The following PREX2 variants were observed in gnomAD, a reference collection of about 807,000 sequenced individuals.
PREX2 encodes the protein phosphatidylinositol-3,4,5-trisphosphate dependent Rac exchange factor 2, also known as phosphatidylinositol 3,4,5-trisphosphate-dependent Rac exchanger 2 protein.
A neutral mutation model predicts 203.2 loss-of-function variants in PREX2; 107 were observed. The observed-to-expected ratio is 0.53, with a 90% CI of 0.45 to 0.62. PREX2 has a LOEUF of 0.62. Among genes scored for constraint, PREX2 ranks in the 20% least tolerant of loss-of-function variants. PREX2 has a pLI of 0.00. For synonymous variants in PREX2, 672 were observed against 663.6 expected, an observed-to-expected ratio of 1.01 and a Z score of -0.19; for missense variants, 1,777 against 1,955.9, an observed-to-expected ratio of 0.91 and a Z score of 1.72.
At chr8:68,165,555 A>G (rs1563572049) in intron 35 of PREX2, among the ~76,000 whole-genome samples, 1 of 152,064 alleles carries the variant, frequency 6.6e-6, no homozygotes, top group Non-Finnish European at 1.5e-5. Flanking sequence ...TGGAGTCACT[A>G]TGTCACAAGA....
intron 1 of PREX2, among the ~76,000 whole-genome samples, chr8:67,977,216 C>A (rs1402124031): frequency 6.6e-6 from 1 of 152,160 alleles, no homozygotes; most frequent in African/African-American, 2.4e-5. Flanking sequence ...CTTTCATTTA[C>A]AGTAGGATAT....
At chr8:68,163,821 A>G (rs1252965370) in intron 35 of PREX2, among the ~76,000 whole-genome samples, 1 of 152,166 alleles carries the variant, frequency 6.6e-6, no homozygotes, top group Non-Finnish European at 1.5e-5. Flanking sequence ...CTAAACTCCC[A>G]AGGAAATGAG....
intron 9 of PREX2, among the ~76,000 whole-genome samples, 167 bp from the exon 10 acceptor site, chr8:68,055,663 C>T (rs1021148102): frequency 6.6e-6 from 1 of 152,118 alleles, no homozygotes; most frequent in African/African-American, 2.4e-5. Flanking sequence ...GCAGGTCTCC[C>T]TAGCCCCTGA....
At position 68,232,802 on chromosome 8, in the gene PREX2, G is replaced by A. The variant is rs560933314; in HGVS notation, c.*1424G>A. ...TCAGCTAATTTTTGTATTTTTAGTAGAGACGTGTTTTCACCATGTTGGCCA... is the reference window on the plus strand; with the variant it reads ...TCAGCTAATTTTTGTATTTTTAGTAAAGACGTGTTTTCACCATGTTGGCCA... On this transcript the variant is annotated 3_prime_UTR_variant, in exon 40 of 40. Transcript: ENST00000288368. 6.6e-6 allele frequency: 1 copy of A among 152,210 alleles called. No individual in the cohort carries two copies. The highest frequency in any genetic ancestry group is 2.1e-4 in the South Asian group (1 of 4,832). The allele number at this position is 152,210 out of a possible 1,614,324, so 9.4% of individuals were successfully genotyped here. A position where few individuals can be genotyped will look rare whatever the true frequency, so the allele number is the denominator to read the frequency against.
At chr8:67,982,949 G>A (rs1806313482) in intron 1 of PREX2, among the ~76,000 whole-genome samples, 1 of 152,172 alleles carries the variant, frequency 6.6e-6, no homozygotes, top group South Asian at 2.1e-4. Flanking sequence ...TTTGTGGTAT[G>A]TCTTGGAATA....
chr8:68,097,174 C>G lies in PREX2; in HGVS notation c.2526C>G (p.Pro842=). ...KCNVVEKMIE[P]KGFFSLTAKI... is the part of the protein sequence containing the mutation. ...ATGTGGTGGAAAAGATGATTGAGCCCAAAGGTTTCTTCAGCTTAACTGCCA... is the reference window on the plus strand; with the variant it reads ...ATGTGGTGGAAAAGATGATTGAGCCGAAAGGTTTCTTCAGCTTAACTGCCA... Residue 842 remains proline (P), a synonymous_variant, in exon 22 of 40, where the codon CCC becomes CCG. Coordinates refer to ENST00000288368, the MANE Select transcript of PREX2 (RefSeq NM_024870.4). The G allele has an allele frequency of 1.9e-6, 3 of 1,613,388 alleles. No homozygotes were observed. Among genetic ancestry groups the G allele is most frequent in the Non-Finnish European group, 2.5e-6 (3 of 1,179,594 alleles).
intron 30 of PREX2, among the ~76,000 whole-genome samples, chr8:68,122,844 T>A (rs1810806542): frequency 6.6e-6 from 1 of 152,104 alleles, no homozygotes. Flanking sequence ...TTATTTCTAA[T>A]TTGATTGTGT....
At chr8:68,088,161 T>G (rs761882849) in intron 19 of PREX2, among the ~76,000 whole-genome samples, 33 of 152,310 alleles carry the variant, frequency 2.2e-4, no homozygotes, top group Non-Finnish European at 4.3e-4. Context: ...AGTTTTTAGG[T>G]TTAAAGTTGA....
intron 5 of PREX2, among the ~76,000 whole-genome samples, chr8:68,028,847 G>A (rs1807804158): frequency 6.6e-6 from 1 of 151,968 alleles, no homozygotes; most frequent in Non-Finnish European, 1.5e-5. Flanking sequence ...TTCTGATTAG[G>A]GATGAACTCA....
rs536412569 is a variant in PREX2, at chr8:68,211,183, A to C, written c.4605-6433A>C. ...AAGATCAACTGGGACAAACACCTGA[A>C]AAAACAATCACAAAGAATGTTATCA... On this transcript the variant is annotated intron_variant, in intron 37 of 39. Coordinates refer to ENST00000288368, the MANE Select transcript of PREX2 (RefSeq NM_024870.4). Among the ~76,000 whole-genome samples the C allele has an allele frequency of 6.6e-5, 10 of 152,254 alleles. No homozygotes were observed. The South Asian group carries it at 2.1e-3, about 32-fold the overall frequency.
chr8:68,169,459 C>T (rs1228848620), intron 35 of PREX2, among the ~76,000 whole-genome samples: 3 of 151,872 alleles, frequency 2.0e-5, no homozygotes, highest in East Asian at 3.9e-4. Flanking sequence ...CACGCTGTTC[C>T]AGAACAGCAA....
chr8:68,115,744 A>T lies in PREX2; in HGVS notation c.3147-9A>T. The T allele has an allele frequency of 6.3e-7, 1 of 1,593,968 alleles. No homozygotes were observed. Among genetic ancestry groups the T allele is most frequent in the Admixed American group, 1.8e-5 (1 of 56,524 alleles). ...AAAATGTGCATTTTTTTTTAATATT[A>T]CATTGCAGCCTTCTGTCTTCAATAA... On this transcript the variant is annotated splice_polypyrimidine_tract_variant and intron_variant, in intron 25 of 39. Transcript: ENST00000288368.
chr8:68,034,242 A>G (rs947103104), intron 6 of PREX2, among the ~76,000 whole-genome samples: 6 of 152,186 alleles, frequency 3.9e-5, no homozygotes, highest in Non-Finnish European at 5.9e-5. Flanking sequence ...CATTCAGAAC[A>G]TTCTACAAGA....
At chr8:67,984,236 A>G (rs1046466928) in intron 1 of PREX2, among the ~76,000 whole-genome samples, 3 of 152,308 alleles carry the variant, frequency 2.0e-5, no homozygotes, top group Non-Finnish European at 2.9e-5. Flanking sequence ...CTTTCATGCA[A>G]GTATTCATAT....
chr8:68,207,669 T>C (rs1812657257), intron 37 of PREX2, among the ~76,000 whole-genome samples: 1 of 152,036 alleles, frequency 6.6e-6, no homozygotes, highest in Non-Finnish European at 1.5e-5. Context: ...TTTCATACAA[T>C]CCTGAAAACA....
intron 35 of PREX2, among the ~76,000 whole-genome samples, chr8:68,161,774 T>G (rs1447272535): frequency 2.6e-5 from 4 of 152,198 alleles, no homozygotes; most frequent in African/African-American, 9.7e-5. Context: ...ATAGACATGT[T>G]TCTCTTATAT....
intron 1 of PREX2, among the ~76,000 whole-genome samples, chr8:68,006,349 T>G (rs944146600): frequency 6.6e-6 from 1 of 152,228 alleles, no homozygotes; most frequent in Admixed American, 6.5e-5. Context: ...ACAATTAGAT[T>G]CTATCCTCAG....
chr8:68,005,620 T>A (rs978488266), intron 1 of PREX2, among the ~76,000 whole-genome samples: 6 of 152,216 alleles, frequency 3.9e-5, no homozygotes, highest in Admixed American at 3.9e-4. Flanking sequence ...TGTCCACAGA[T>A]CCTTCCTAGA....
At chr8:68,048,180 C>T (rs575788971) in intron 8 of PREX2, among the ~76,000 whole-genome samples, 33 of 152,082 alleles carry the variant, frequency 2.2e-4, no homozygotes, top group African/African-American at 7.7e-4. Flanking sequence ...TTTGAAGATT[C>T]TTTCTGGGTC....
Sources: allele counts gnomAD v4.1 joint callset (sites outside exome capture counted in the v4.1 genomes callset), GRCh38; gene constraint gnomAD v4.1.1; transcripts MANE v1.5; gene names NCBI Gene and HGNC (gene_info 2026-07-23, HGNC 2026-07-21).